STPG2: variants seen among roughly 807,000 people sequenced by gnomAD.
The protein encoded by STPG2 is sperm-tail PG-rich repeat-containing protein 2.
Under a neutral mutation model 54.2 loss-of-function variants are expected in STPG2, and 56 were observed. That is an observed-to-expected ratio of 1.03 (90% confidence interval 0.83 to 1.29). The LOEUF is 1.29. Ranked by LOEUF, STPG2 falls within the 50% of genes most tolerant of loss-of-function variation. The pLI is 0.00. For missense variants in STPG2, 596 were observed against 544.9 expected (o/e 1.09, Z -0.93); for synonymous variants, 200 against 181.8 (o/e 1.10, Z -0.81).
At chr4:97,575,130 T>C (rs1386584512) in intron 10 of STPG2, among the ~76,000 whole-genome samples, 1 of 151,746 alleles carries the variant, frequency 6.6e-6, no homozygotes, top group Non-Finnish European at 1.5e-5. Flanking sequence ...GTTCCAAAAT[T>C]GAATCAGTGA....
Position 97,994,774 on chromosome 4 carries a change from C to T in STPG2, c.613-13456G>A, listed in dbSNP as rs141004001. ...TTAAGTGTACTGGTTTTGTGTTGGTCGGCCCCAAGCTAGGAGGTGGCACTT... is the reference window on the plus strand; with the variant it reads ...TTAAGTGTACTGGTTTTGTGTTGGTTGGCCCCAAGCTAGGAGGTGGCACTT... On this transcript the variant is annotated intron_variant, in intron 5 of 10. Transcript: ENST00000295268. Among the ~76,000 whole-genome samples, 76 of 152,088 alleles carry T rather than the reference C, an allele frequency of 5.0e-4. No homozygotes were observed. The East Asian group carries it at 0.012, about 25-fold the overall frequency.
intron 4 of STPG2, among the ~76,000 whole-genome samples, chr4:97,503,778 T>A (rs1426504664): frequency 6.8e-6 from 1 of 146,072 alleles, no homozygotes; most frequent in Non-Finnish European, 1.5e-5. Context: ...TAAAAATATA[T>A]TTTCATATTC....
chr4:97,812,511 G>C (rs1334929029), intron 9 of STPG2, among the ~76,000 whole-genome samples: 1 of 151,992 alleles, frequency 6.6e-6, no homozygotes, highest in Non-Finnish European at 1.5e-5. Context: ...TTTGTATAAT[G>C]AATTGAAATA....
In STPG2 at chr4:97,785,627, G is replaced by T. The variant is rs147385835; in HGVS notation, c.1204+55146C>A. The stretch of plus-strand genomic sequence containing the variant: ...AAAGATAAATGTGAAGAAGAAAATG[G>T]AAGAAGATAAAAGTAAAACATGTAT... On this transcript the variant is annotated intron_variant, in intron 9 of 10. Transcript: ENST00000295268. Among the ~76,000 whole-genome samples the T allele has an allele frequency of 4.3e-3, 659 of 152,022 alleles. 3 individuals are homozygous for T. Among genetic ancestry groups the T allele is most frequent in the South Asian group, 0.023 (113 of 4,812 alleles).
intron 9 of STPG2, among the ~76,000 whole-genome samples, chr4:97,778,649 G>T (rs895624304): frequency 2.0e-5 from 3 of 152,298 alleles, no homozygotes; most frequent in African/African-American, 7.2e-5. Context: ...GTGGGTCCCT[G>T]ACCCCCGAGT....
intron 9 of STPG2, among the ~76,000 whole-genome samples, chr4:97,800,116 G>A (rs986641732): frequency 7.2e-5 from 11 of 152,124 alleles, no homozygotes; most frequent in East Asian, 5.8e-4. Context: ...GCTTCTTTGC[G>A]ATGGATTTGA....
intron 8 of STPG2, among the ~76,000 whole-genome samples, chr4:97,852,826 T>C (rs1729206005): frequency 1.3e-5 from 2 of 152,090 alleles, no homozygotes; most frequent in South Asian, 4.2e-4. Flanking sequence ...CCAATAATAT[T>C]TACCATACTC....
At chr4:97,489,927 A>T (rs1199988121) in intron 4 of STPG2, 1 of 151,204 alleles carries the variant, frequency 6.6e-6, no homozygotes, top group African/African-American at 2.4e-5. Flanking sequence ...ATATGAAGAG[A>T]ACATTTATTT....
Position 97,981,952 on chromosome 4 carries a change from T to G in STPG2, c.613-634A>C, listed in dbSNP as rs765330244. On this transcript the variant is annotated intron_variant, in intron 5 of 10. Transcript: ENST00000295268. Reference sequence around the variant, plus strand: ...CAGGCTGGAGTGCAGTGGCGCGATCTCGGCTCACTGCAAGCTCCACCTCCC... The same window carrying G: ...CAGGCTGGAGTGCAGTGGCGCGATCGCGGCTCACTGCAAGCTCCACCTCCC... 6.5e-4 allele frequency among the ~76,000 whole-genome samples: 98 copies of G among 151,090 alleles called. 1 individual carries two copies. The highest frequency in any genetic ancestry group is 3.4e-3 in the Middle Eastern group (1 of 294).
chr4:97,757,117 T>C (rs1033969156), intron 9 of STPG2, among the ~76,000 whole-genome samples: 4 of 152,176 alleles, frequency 2.6e-5, no homozygotes, highest in South Asian at 2.1e-4. Context: ...AATTCATAGA[T>C]ATTTTCTGTA....
At chr4:97,479,057 A>C (rs2148819687) in intron 4 of STPG2, among the ~76,000 whole-genome samples, 1 of 152,078 alleles carries the variant, frequency 6.6e-6, no homozygotes, top group African/African-American at 2.4e-5. Flanking sequence ...AGATTGATTA[A>C]ATATTTAAAT....
At chr4:97,980,076 C>T (rs764971729) in intron 6 of STPG2, among the ~76,000 whole-genome samples, 6 of 152,062 alleles carry the variant, frequency 3.9e-5, no homozygotes, top group Non-Finnish European at 8.8e-5. Context: ...GTCCCAGCTA[C>T]TCAGAAGGCT....
intron 4 of STPG2, among the ~76,000 whole-genome samples, chr4:97,515,672 T>G (rs1731060148): frequency 6.6e-6 from 1 of 151,854 alleles, no homozygotes; most frequent in Non-Finnish European, 1.5e-5. Flanking sequence ...TGCCATATTG[T>G]TTTTTTTAAC....
At chr4:97,572,965 G>T (rs1415847509) in intron 10 of STPG2, among the ~76,000 whole-genome samples, 1 of 152,046 alleles carries the variant, frequency 6.6e-6, no homozygotes, top group African/African-American at 2.4e-5. Flanking sequence ...ATCCCATGTA[G>T]AGTTAGGTAT....
intron 3 of STPG2, among the ~76,000 whole-genome samples, chr4:98,116,453 A>G (rs137959400): frequency 1.9e-3 from 285 of 152,022 alleles, no homozygotes; most frequent in African/African-American, 6.7e-3. Flanking sequence ...CCAAGGACTA[A>G]TAACTATTAA....
intron 10 of STPG2, among the ~76,000 whole-genome samples, chr4:97,699,751 T>A (rs1045911380): frequency 6.6e-6 from 1 of 152,160 alleles, no homozygotes; most frequent in Non-Finnish European, 1.5e-5. Flanking sequence ...CAGGCCCTAG[T>A]CTTCTCTTTC....
At chr4:97,678,960 A>G (rs1047751623) in intron 10 of STPG2, among the ~76,000 whole-genome samples, 2 of 152,046 alleles carry the variant, frequency 1.3e-5, no homozygotes, top group Non-Finnish European at 2.9e-5. Flanking sequence ...TGAACTCATC[A>G]TTTTGTATGG....
In STPG2 at chr4:97,469,356, G is replaced by T. The variant is rs1307922889; in HGVS notation, c.462+243343C>A. ...TTTGGAATGAAATGAACCAAAACCA[G>T]AAATGAAGGAATATTGATAAAGCTA... On this transcript the variant is annotated intron_variant, in intron 4 of 4. Transcript: ENST00000522676. Among the ~76,000 whole-genome samples, 9 of 152,064 alleles carry T rather than the reference G, an allele frequency of 5.9e-5. 1 individual carries two copies. The highest frequency in any genetic ancestry group is 4.6e-4 in the Admixed American group (7 of 15,254).
chr4:97,505,083 G>C (rs1730816549), intron 4 of STPG2, among the ~76,000 whole-genome samples: 1 of 151,486 alleles, frequency 6.6e-6, no homozygotes. Context: ...AGGATCTTTA[G>C]CCTAGAAATA....
Sources: gnomAD v4.1 joint callset for allele counts (sites outside exome capture counted in the v4.1 genomes callset) on GRCh38, gnomAD v4.1.1 for gene constraint, MANE v1.5 for transcripts, NCBI Gene and HGNC (gene_info 2026-07-23, HGNC 2026-07-21) for gene names.